VAV2: variants seen among roughly 807,000 people sequenced by gnomAD.
VAV2 encodes the protein guanine nucleotide exchange factor VAV2.
A neutral mutation model predicts 132.5 loss-of-function variants in VAV2; 67 were observed. That is an observed-to-expected ratio of 0.51 (90% CI 0.42 to 0.62). The LOEUF (loss-of-function observed/expected upper bound fraction) is 0.62. VAV2 is among the 20% of genes least tolerant of loss of function. The pLI is 0.00. For synonymous variants in VAV2, 492 were observed against 443.5 expected (o/e 1.11, Z -1.37); for missense variants, 938 against 1,153.6 (o/e 0.81, Z 2.71).
intron 2 of VAV2, among the ~76,000 whole-genome samples, chr9:133,922,978 G>A (rs1276277157): frequency 1.3e-5 from 2 of 152,200 alleles, no homozygotes; most frequent in Non-Finnish European, 2.9e-5. Flanking sequence ...TCCACAATAT[G>A]TAAAGAACTC....
In VAV2 at chr9:133,788,143, G is replaced by A. The variant is rs999854673; in HGVS notation, c.1407+211C>T. ...CTTTCTGGGGGGCGCTGGGCCCGGC[G>A]AGGAGCAGGCCTGCTATGAGCAGTG... is the stretch of plus-strand genomic sequence containing the variant. On this transcript the variant is annotated intron_variant, in intron 15 of 29. Transcript: ENST00000371850. The surrounding 1 kb of genome is among the most constrained non-coding windows in gnomAD (Gnocchi z 5.3). Among the ~76,000 whole-genome samples, 21 of 152,218 alleles carry A rather than the reference G, an allele frequency of 1.4e-4. No individual in the cohort carries two copies. Among genetic ancestry groups the A allele is most frequent in the African/African-American group, 4.8e-4 (20 of 41,456 alleles).
At chr9:133,946,342 T>C (rs916167748) in intron 1 of VAV2, among the ~76,000 whole-genome samples, 1 of 152,164 alleles carries the variant, frequency 6.6e-6, no homozygotes, top group Non-Finnish European at 1.5e-5. Flanking sequence ...CCCCACCCCA[T>C]GTGCTCCTTG....
intron 19 of VAV2, among the ~76,000 whole-genome samples, chr9:133,782,186 C>G (rs1444818567): frequency 6.6e-6 from 1 of 152,116 alleles, no homozygotes; most frequent in African/African-American, 2.4e-5. Context: ...TTCATCATTT[C>G]TAGGTAAGTT....
At chr9:133,843,021 C>T (rs990452237) in intron 3 of VAV2, among the ~76,000 whole-genome samples, 2 of 152,224 alleles carry the variant, frequency 1.3e-5, no homozygotes, top group Non-Finnish European at 2.9e-5. Context: ...GGTTCTCCTG[C>T]TAAACAGCTC....
At chr9:133,838,898 GATGA>G (rs1244212056) in intron 3 of VAV2, among the ~76,000 whole-genome samples, 1 of 131,776 alleles carries the variant, frequency 7.6e-6, no homozygotes, top group Non-Finnish European at 1.6e-5. Flanking sequence ...TGGGTGGATG[GATGA>G]ATGAATGGAT....
At chr9:133,985,571 C>T (rs890085125) in intron 1 of VAV2, among the ~76,000 whole-genome samples, 4 of 152,174 alleles carry the variant, frequency 2.6e-5, no homozygotes, top group African/African-American at 7.2e-5. Flanking sequence ...CATGAGCCAT[C>T]GCGCCCGGCC....
chr9:133,805,862 T>C (rs1053644491), intron 9 of VAV2, among the ~76,000 whole-genome samples: 3 of 152,190 alleles, frequency 2.0e-5, no homozygotes, highest in Non-Finnish European at 2.9e-5. Flanking sequence ...ATCCTGCCCC[T>C]GCCGAGCTCC....
At chr9:133,831,158 G>A (rs576317139) in intron 4 of VAV2, among the ~76,000 whole-genome samples, 4 of 152,160 alleles carry the variant, frequency 2.6e-5, no homozygotes, top group Non-Finnish European at 5.9e-5. Flanking sequence ...GCAACTGGCC[G>A]GGCACGGTGG....
At chr9:133,774,605 C>T (rs1424100862) in intron 25 of VAV2, among the ~76,000 whole-genome samples, 2 of 152,188 alleles carry the variant, frequency 1.3e-5, no homozygotes, top group African/African-American at 4.8e-5. Flanking sequence ...GCTGGGAAAT[C>T]CCTGAGCTCA....
chr9:133,784,506 G>A (rs1834141544), intron 17 of VAV2, 88 bp from the exon 18 acceptor site: 12 of 1,425,116 alleles, frequency 8.4e-6, no homozygotes, highest in African/African-American at 2.8e-5. Context: ...GCTGGGCTCC[G>A]GACCCAGGCT....
intron 17 of VAV2, among the ~76,000 whole-genome samples, chr9:133,785,118 A>G (rs1269042256): frequency 2.6e-5 from 4 of 152,004 alleles, no homozygotes; most frequent in Admixed American, 2.0e-4. Flanking sequence ...GCTGTGTCCA[A>G]TGGTTCCCTT....
chr9:133,963,728 G>GA (rs1237741451), intron 1 of VAV2, among the ~76,000 whole-genome samples: 2 of 152,046 alleles, frequency 1.3e-5, no homozygotes, highest in Admixed American at 6.5e-5. Context: ...ATCGCCAGGG[G>GA]AAAAAATGCC....
intron 13 of VAV2, among the ~76,000 whole-genome samples, chr9:133,790,571 G>A (rs758681682): frequency 4.6e-5 from 7 of 152,148 alleles, no homozygotes; most frequent in African/African-American, 7.2e-5. Flanking sequence ...CTCACTGTAC[G>A]CATTTGTGAC....
At chr9:133,949,486 C>T (rs1841483371) in intron 1 of VAV2, among the ~76,000 whole-genome samples, 1 of 152,234 alleles carries the variant, frequency 6.6e-6, no homozygotes, top group African/African-American at 2.4e-5. Context: ...TCCCTATCCC[C>T]ACTTCCTGAC....
At chr9:133,810,162 TC>T (rs1387229325) in intron 6 of VAV2, 28 bp downstream of exon 6, 1 of 1,612,656 alleles carries the variant, frequency 6.2e-7, no homozygotes, top group East Asian at 2.2e-5. Context: ...AGGCAGGACG[TC>T]CCCAGCCTCC....
Position 133,763,214 on chromosome 9 carries a change from G to A in VAV2, c.*848C>T, listed in dbSNP as rs1833320149. ...AGGGATCTAGAGAGGGGAAATCCCT[G>A]TTTTCTTCCCTGCCCATTTCAGGGT... On this transcript the variant is annotated 3_prime_UTR_variant, in exon 30 of 30. Coordinates refer to ENST00000371850, the MANE Select transcript of VAV2 (RefSeq NM_001134398.2). This position sits in a 1 kb window ranked among gnomAD's most constrained non-coding sequence, Gnocchi z 6.8. 6.7e-6 allele frequency: 1 copy of A among 148,190 alleles called. No homozygotes were observed. The highest frequency in any genetic ancestry group is 2.4e-5 in the African/African-American group (1 of 41,148). 9.2% of individuals were successfully genotyped at this position (148,190 alleles called of 1,614,324 possible).
chr9:133,953,794 T>C (rs1263878727), intron 1 of VAV2, among the ~76,000 whole-genome samples: 1 of 152,082 alleles, frequency 6.6e-6, no homozygotes, highest in African/African-American at 2.4e-5. Context: ...TGACCCCGGC[T>C]CCCAGGCCTG....
intron 1 of VAV2, among the ~76,000 whole-genome samples, chr9:133,982,162 T>C (rs1209827994): frequency 6.6e-6 from 1 of 152,070 alleles, no homozygotes; most frequent in Non-Finnish European, 1.5e-5. Context: ...AAGGTTCCCC[T>C]CCAGGGAACT....
chr9:133,862,511 G>A (rs570748131), intron 2 of VAV2, among the ~76,000 whole-genome samples: 4 of 152,350 alleles, frequency 2.6e-5, no homozygotes, highest in African/African-American at 7.2e-5. Context: ...GTGTGTGGTC[G>A]TGTGTGCATG....
Sources: gnomAD v4.1 joint callset for allele counts (sites outside exome capture counted in the v4.1 genomes callset) on GRCh38, gnomAD v4.1.1 for gene constraint, Gnocchi (gnomAD v3.1) non-coding constraint, MANE v1.5 for transcripts, NCBI Gene and HGNC (gene_info 2026-07-23, HGNC 2026-07-21) for gene names.